MAST4: variants seen among roughly 807,000 people sequenced by gnomAD.
MAST4 encodes the protein microtubule-associated serine/threonine-protein kinase 4.
A neutral mutation model predicts 162.7 loss-of-function variants in MAST4; 89 were observed. The observed-to-expected ratio is 0.55, with a 90% CI of 0.46 to 0.65. The LOEUF is 0.65. MAST4 is among the 30% of genes least tolerant of loss of function. The pLI is 0.00. For synonymous variants in MAST4, 1,479 were observed against 1,361.1 expected (o/e 1.09, Z -1.91); for missense variants, 3,153 against 3,374.0 (o/e 0.93, Z 1.62).
intron 5 of MAST4, among the ~76,000 whole-genome samples, chr5:67,084,290 G>T: frequency 6.6e-6 from 1 of 152,232 alleles, no homozygotes. Context: ...CACTGGCAGG[G>T]TTTTCTTAAA....
chr5:66,814,554 C>T (rs1756631833), intron 3 of MAST4, among the ~76,000 whole-genome samples: 1 of 152,184 alleles, frequency 6.6e-6, no homozygotes, highest in Non-Finnish European at 1.5e-5. Context: ...TTCTGATCTT[C>T]ATCTCCAGAG....
chr5:67,038,346 G>A (rs1221516789), intron 4 of MAST4, among the ~76,000 whole-genome samples: 2 of 151,006 alleles, frequency 1.3e-5, no homozygotes, highest in African/African-American at 4.9e-5. Flanking sequence ...CTGAACAATG[G>A]ATCTATTTAA....
At chr5:67,158,763 G>A (rs544501182) in intron 26 of MAST4, among the ~76,000 whole-genome samples, 17 of 152,248 alleles carry the variant, frequency 1.1e-4, no homozygotes, top group African/African-American at 4.1e-4. Flanking sequence ...AGCTGGGCAC[G>A]GTAGCTCATG....
chr5:66,974,005 G>C (rs1352552913), intron 4 of MAST4, among the ~76,000 whole-genome samples: 1 of 152,124 alleles, frequency 6.6e-6, no homozygotes, highest in Non-Finnish European at 1.5e-5. Context: ...GGCACAGGAT[G>C]TTCTAGCTGT....
rs1478300880 is a variant in MAST4 at position 67,165,967 on chromosome 5, G to A, written c.6788G>A (p.Gly2263Glu). Residue 2263 changes from glycine (G) to glutamate (E), a missense_variant, in exon 29 of 29, where the codon GGG (glycine) becomes GAG (glutamate). By Grantham distance (98) the Gly-to-Glu change is moderately conservative (BLOSUM62 -2). Around this residue, in one of 7 missense-constraint regions of MAST4, gnomAD observed 1,644 missense variants for 1,495.0 expected, o/e 1.10. Coordinates refer to ENST00000403625, the MANE Select transcript of MAST4 (RefSeq NM_001164664.2). ...GGCTCCCAGAACAAAGCCAGCGATGGGATTGGCCAGGGAGAAGGTGGGCCC... is the reference window on the plus strand; with the variant it reads ...GGCTCCCAGAACAAAGCCAGCGATGAGATTGGCCAGGGAGAAGGTGGGCCC... ...TPGSQNKASD[G>E]IGQGEGGPSV... is the part of the protein sequence containing the mutation. The A allele has an allele frequency of 1.9e-6, 3 of 1,613,362 alleles. No homozygotes were observed. Among genetic ancestry groups the A allele is most frequent in the East Asian group, 2.2e-5 (1 of 44,878 alleles).
Position 66,919,978 on chromosome 5 carries a change from TTCTCTC to T in MAST4, c.674+20012_674+20017del, listed in dbSNP as rs70987149. Among the ~76,000 whole-genome samples, 11 of 126,964 alleles carry T rather than the reference TTCTCTC, an allele frequency of 8.7e-5. No individual in the cohort carries two copies. In the South Asian group the frequency reaches 2.0e-3, roughly 23 times the overall value. The allele number at this position is 126,964 out of a possible 152,430, so 83.3% of individuals were successfully genotyped here. A position where few individuals can be genotyped will look rare whatever the true frequency, so the allele number is the denominator to read the frequency against. ...CTTCCTTCCTTCCTTCCTTCCTTCT[TTCTCTC>T]TCTCTCTCTCTCTCTTTCTAATGAA... On this transcript the variant is annotated intron_variant, in intron 4 of 28. Coordinates refer to ENST00000403625, the MANE Select transcript of MAST4 (RefSeq NM_001164664.2).
At chr5:66,990,225 C>T (rs1330271720) in intron 4 of MAST4, among the ~76,000 whole-genome samples, 3 of 152,122 alleles carry the variant, frequency 2.0e-5, no homozygotes, top group Non-Finnish European at 4.4e-5. Flanking sequence ...ACTATCCTAG[C>T]AACAGTCCTA....
At chr5:67,108,001 T>C (rs756472083) in intron 10 of MAST4, among the ~76,000 whole-genome samples, 1 of 152,230 alleles carries the variant, frequency 6.6e-6, no homozygotes, top group Admixed American at 6.5e-5. Context: ...ATCGTGTCTT[T>C]ATTTTGTGTT....
Position 67,120,949 on chromosome 5 carries a change from C to G in MAST4, c.1660-68C>G, listed in dbSNP as rs1360226490. 7 of 1,110,738 alleles carry G rather than the reference C, an allele frequency of 6.3e-6. No homozygotes were observed. In the Admixed American group the frequency reaches 1.4e-4, roughly 23 times the overall value. 68.8% of individuals were successfully genotyped at this position (1,110,738 alleles called of 1,614,324 possible). On this transcript the variant is annotated intron_variant, in intron 13 of 28. Transcript: ENST00000403625. ...TAACAGCATGTCCTTCAAATATTAT[C>G]TATTTTGCTGATAAAATAATTTTCT...
intron 1 of MAST4, among the ~76,000 whole-genome samples, chr5:66,751,299 T>C (rs375603901): frequency 2.6e-5 from 4 of 152,206 alleles, no homozygotes; most frequent in Non-Finnish European, 5.9e-5. Context: ...GGATGGAGAA[T>C]GACTTTGACG....
At chr5:66,759,636 G>T in intron 1 of MAST4, 73 bp from the exon 2 acceptor site, 1 of 1,523,986 alleles carries the variant, frequency 6.6e-7, no homozygotes, top group Non-Finnish European at 9.0e-7. Context: ...AAGAAAAAGT[G>T]TGAATGATTG....
At chr5:66,800,644 A>G (rs1213212132) in intron 3 of MAST4, among the ~76,000 whole-genome samples, 2 of 152,138 alleles carry the variant, frequency 1.3e-5, no homozygotes, top group African/African-American at 4.8e-5. Context: ...AACCCCCATG[A>G]CACAGGTTTA....
intron 3 of MAST4, among the ~76,000 whole-genome samples, chr5:66,799,123 T>A (rs1453861584): frequency 6.6e-6 from 1 of 152,208 alleles, no homozygotes; most frequent in Admixed American, 6.5e-5. Context: ...TTTGTCAGAA[T>A]AATGGGTGGT....
chr5:66,897,122 A>G (rs546971574), intron 3 of MAST4, among the ~76,000 whole-genome samples: 1 of 152,218 alleles, frequency 6.6e-6, no homozygotes, highest in Non-Finnish European at 1.5e-5. Flanking sequence ...GTCAACAATT[A>G]GCATATTGTT....
intron 1 of MAST4, among the ~76,000 whole-genome samples, chr5:66,719,969 T>C (rs1455117311): frequency 6.6e-6 from 1 of 152,222 alleles, no homozygotes; most frequent in East Asian, 1.9e-4. Context: ...GAGTTATGTA[T>C]CAGCAGTAGG....
chr5:66,820,155 G>A (rs955286491), intron 3 of MAST4, among the ~76,000 whole-genome samples: 4 of 151,924 alleles, frequency 2.6e-5, no homozygotes, highest in East Asian at 1.9e-4. Flanking sequence ...TAGCCTGAAT[G>A]TGCTTTTCTA....
intron 4 of MAST4, among the ~76,000 whole-genome samples, chr5:66,996,047 G>C (rs1237640732): frequency 2.0e-5 from 3 of 152,170 alleles, no homozygotes; most frequent in Non-Finnish European, 4.4e-5. Flanking sequence ...GGAGGCTGCG[G>C]TGGGTGGATT....
chr5:66,615,236 G>C (rs1241491015), intron 1 of MAST4, among the ~76,000 whole-genome samples: 1 of 152,160 alleles, frequency 6.6e-6, no homozygotes, highest in Non-Finnish European at 1.5e-5. Flanking sequence ...GGGTTACAGG[G>C]GTTGGAGCCC....
intron 24 of MAST4, among the ~76,000 whole-genome samples, chr5:67,150,266 T>C (rs565785351): frequency 6.6e-6 from 1 of 152,246 alleles, no homozygotes; most frequent in Non-Finnish European, 1.5e-5. Flanking sequence ...AAATGAAATA[T>C]ACACCCTGAT....
Sources: gnomAD v4.1 joint callset for allele counts (sites outside exome capture counted in the v4.1 genomes callset) on GRCh38, gnomAD v4.1.1 for gene constraint, gnomAD v4.1.1 regional missense constraint, MANE v1.5 for transcripts, NCBI Gene and HGNC (gene_info 2026-07-23, HGNC 2026-07-21) for gene names.